The following MTMR9 variants were observed in gnomAD, a reference collection of about 807,000 sequenced individuals.
MTMR9 encodes myotubularin-related protein 9.
MTMR9 carries 39 observed loss-of-function variants against 69.5 expected under a neutral mutation model. The observed-to-expected ratio is 0.56, with a 90% confidence interval of 0.43 to 0.73. The LOEUF is 0.73. Ranked by LOEUF, MTMR9 falls within the 30% of genes least tolerant of loss-of-function variation. The pLI, the probability that MTMR9 is intolerant of heterozygous loss-of-function variation, is 0.00. For synonymous variants in MTMR9, 354 were observed against 240.8 expected (o/e 1.47, Z -4.35); for missense variants, 900 against 671.2 (o/e 1.34, Z -3.77).
chr8:11,295,712 C>T (rs1799531510), intron 2 of MTMR9, among the ~76,000 whole-genome samples: 1 of 152,204 alleles, frequency 6.6e-6, no homozygotes, highest in Admixed American at 6.5e-5. Flanking sequence ...GTTCACTATA[C>T]AAAGCTCTGT....
At chr8:11,314,674 C>G (rs1800338752) in intron 6 of MTMR9, among the ~76,000 whole-genome samples, 1 of 152,172 alleles carries the variant, frequency 6.6e-6, no homozygotes, top group African/African-American at 2.4e-5. Flanking sequence ...TTAAAGAGGT[C>G]TTGCCATGTG....
At chr8:11,331,479 G>T (rs758879812), downstream of MTMR9, 2 of 1,613,926 alleles carry the variant, frequency 1.2e-6, no homozygotes, top group South Asian at 2.2e-5. Flanking sequence ...AGTTCAGGTG[G>T]TGCCCGCTGG....
downstream of MTMR9, among the ~76,000 whole-genome samples, chr8:11,332,880 A>C (rs116785126): frequency 0.017 from 2,618 of 152,310 alleles, 61 homozygotes; most frequent in African/African-American, 0.059. Flanking sequence ...GATTGCAGGC[A>C]TTAGCCACCA....
At chr8:11,299,067 C>T (rs1026367684) in intron 2 of MTMR9, among the ~76,000 whole-genome samples, 11 of 152,330 alleles carry the variant, frequency 7.2e-5, no homozygotes, top group African/African-American at 2.6e-4. Context: ...GTGGCTCACA[C>T]ATGTAATCCC....
rs1168439001 is a variant in MTMR9, at chr8:11,325,347, C to T, written c.*2559C>T. On this transcript the variant is annotated 3_prime_UTR_variant, in exon 10 of 10. Transcript: ENST00000221086. ...GAGAAGAATAAATGACACGGATACA[C>T]TCCTGAGAAGACACTCGTTAAACAT... is the stretch of plus-strand genomic sequence containing the variant. 2.0e-5 allele frequency: 3 copies of T among 152,220 alleles called. No homozygotes were observed. Among genetic ancestry groups the T allele is most frequent in the Non-Finnish European group, 2.9e-5 (2 of 68,038 alleles). The allele number at this position is 152,220 out of a possible 1,614,324, so 9.4% of individuals were successfully genotyped here.
intron 8 of MTMR9, chr8:11,318,038 A>G (rs1036907699): frequency 1.3e-5 from 2 of 152,220 alleles, no homozygotes; most frequent in African/African-American, 2.4e-5. Context: ...ACGCATAATC[A>G]TTAAAGGCTT....
At position 11,319,743 on chromosome 8, in the gene MTMR9, C is replaced by T. The variant is rs147083766; in HGVS notation, c.1391C>T (p.Pro464Leu). 1 of 1,613,956 alleles carries T rather than the reference C, an allele frequency of 6.2e-7. No homozygotes were observed. Among genetic ancestry groups the T allele is most frequent in the Non-Finnish European group, 8.5e-7 (1 of 1,179,872 alleles). The change falls in exon 9 of 10, where the codon CCC becomes CTC. Residue 464 changes from proline (P) to leucine (L), a missense_variant. Physicochemically the swap from Pro to Leu is moderately conservative, Grantham distance 98. Transcript: ENST00000221086. ...TCTTTGTGGTCCTGGGTTAATCAGC[C>T]CAGTGAGCTGAGTAAATTCACCAAT... ...TMSLWSWVNQ[P>L]SELSKFTNPL... is the part of the protein sequence containing the mutation.
At chr8:11,291,870 G>A (rs1327439805) in intron 1 of MTMR9, among the ~76,000 whole-genome samples, 1 of 151,970 alleles carries the variant, frequency 6.6e-6, no homozygotes, top group Admixed American at 6.6e-5. Context: ...CAGAATGACA[G>A]TGATTTTTAA....
chr8:11,293,392 G>T (rs1799433602), intron 1 of MTMR9, among the ~76,000 whole-genome samples: 1 of 152,150 alleles, frequency 6.6e-6, no homozygotes, highest in Non-Finnish European at 1.5e-5. Context: ...AAGTAAAAAA[G>T]TTACAGTAAG....
At chr8:11,330,231 G>A (rs1434148773), downstream of MTMR9, among the ~76,000 whole-genome samples, 20 of 150,638 alleles carry the variant, frequency 1.3e-4, no homozygotes, top group Middle Eastern at 3.5e-3. Context: ...CAGCCGCCCC[G>A]TCCGGGAGGG....
chr8:11,324,240 G>A lies in MTMR9; in HGVS notation c.*1452G>A, dbSNP rs1363375382. The A allele has an allele frequency of 2.6e-5, 4 of 152,022 alleles. No homozygotes were observed. Among genetic ancestry groups the A allele is most frequent in the African/African-American group, 7.2e-5 (3 of 41,386 alleles). 9.4% of individuals were successfully genotyped at this position (152,022 alleles called of 1,614,324 possible). On this transcript the variant is annotated 3_prime_UTR_variant, in exon 10 of 10. Coordinates refer to ENST00000221086, the MANE Select transcript of MTMR9 (RefSeq NM_015458.4). Reference sequence around the variant, plus strand: ...GCAAAATCTATGGCCACACTGAGAAGCCTTTGAAAATGGCAAATACTTTTC... The same window carrying A: ...GCAAAATCTATGGCCACACTGAGAAACCTTTGAAAATGGCAAATACTTTTC...
At chr8:11,320,473 A>G (rs573223905) in intron 9 of MTMR9, 1 of 152,390 alleles carries the variant, frequency 6.6e-6, no homozygotes, top group East Asian at 1.9e-4. Flanking sequence ...TCACGCCTGT[A>G]ATCCCAGCAC....
rs537075016 is a variant in MTMR9 at position 11,326,215 on chromosome 8, A to G, written c.*3427A>G. ...CGTGTAGTTGTCTGGTTTCAGGGAT[A>G]GCTGTTTGAATTGTCATTCTAAAGT... On this transcript the variant is annotated 3_prime_UTR_variant, in exon 10 of 10. Coordinates refer to ENST00000221086, the MANE Select transcript of MTMR9 (RefSeq NM_015458.4). 7.2e-5 allele frequency: 11 copies of G among 151,986 alleles called. No homozygotes were observed. The highest frequency in any genetic ancestry group is 1.6e-4 in the Non-Finnish European group (11 of 67,996). 9.4% of individuals were successfully genotyped at this position (151,986 alleles called of 1,614,324 possible).
chr8:11,301,133 G>A (rs889748547), intron 3 of MTMR9, among the ~76,000 whole-genome samples: 1 of 152,150 alleles, frequency 6.6e-6, no homozygotes, highest in Non-Finnish European at 1.5e-5. Flanking sequence ...TGCAATCCCT[G>A]TTAAAATTCT....
At chr8:11,321,284 GCTTA>G (rs1800673925) in intron 9 of MTMR9, 1 of 382,168 alleles carries the variant, frequency 2.6e-6, no homozygotes, top group Non-Finnish European at 5.3e-6. Context: ...ACTTCTCTTT[GCTTA>G]CTTTCGTGAT....
At chr8:11,313,915 T>C (rs1044458863) in intron 6 of MTMR9, among the ~76,000 whole-genome samples, 1 of 152,222 alleles carries the variant, frequency 6.6e-6, no homozygotes, top group Non-Finnish European at 1.5e-5. Flanking sequence ...GGTGCCAGCA[T>C]ACTTAATTGA....
intron 9 of MTMR9, chr8:11,321,086 G>C (rs1239739615): frequency 3.6e-5 from 6 of 166,880 alleles, no homozygotes; most frequent in Non-Finnish European, 7.8e-5. Context: ...CTGGATGTCA[G>C]CTGTCACATC....
chr8:11,321,190 G>A, intron 9 of MTMR9: 1 of 288,688 alleles, frequency 3.5e-6, no homozygotes, highest in South Asian at 3.3e-5. Flanking sequence ...AGTTAGCATT[G>A]TGGGGAAATG....
the MTMR9 span, among the ~76,000 whole-genome samples, chr8:11,336,379 T>G: frequency 6.6e-6 from 1 of 152,258 alleles, no homozygotes; most frequent in Non-Finnish European, 1.5e-5. Context: ...CCATAGGCTG[T>G]GTCAACGTGT....
Sources: allele counts gnomAD v4.1 joint callset (sites outside exome capture counted in the v4.1 genomes callset), GRCh38; gene constraint gnomAD v4.1.1; transcripts MANE v1.5; gene names NCBI Gene and HGNC (gene_info 2026-07-23, HGNC 2026-07-21).